The following ATP8A1 variants were observed in gnomAD, a reference collection of about 807,000 sequenced individuals.
ATP8A1 encodes ATPase phospholipid transporting 8A1.
ATP8A1 carries 90 observed loss-of-function variants against 177.7 expected under a neutral mutation model. That is an observed-to-expected ratio of 0.51 (90% CI 0.43 to 0.60). ATP8A1 has a LOEUF of 0.60. Ranked by LOEUF, ATP8A1 falls within the 20% of genes least tolerant of loss-of-function variation. The pLI is 0.00. For missense variants in ATP8A1, 1,072 were observed against 1,392.8 expected (o/e 0.77, Z 3.67); for synonymous variants, 493 against 485.9 (o/e 1.01, Z -0.19).
chr4:42,656,952 C>CGCCGCGCAGAGCGCTCAGCTGCAGCCTGG lies in ATP8A1; in HGVS notation c.-108_-80dup. 7.3e-7 allele frequency: 1 copy of CGCCGCGCAGAGCGCTCAGCTGCAGCCTGG among 1,363,276 alleles called. No homozygotes were observed. 84.4% of individuals were successfully genotyped at this position (1,363,276 alleles called of 1,614,324 possible). On this transcript the variant is annotated 5_prime_UTR_variant, in exon 1 of 37. Transcript: ENST00000381668. Reference sequence around the variant, plus strand: ...GTGGTACACGCGGGAGACCCGGCTGCGCCGCGCAGAGCGCTCAGCTGCAGC... The same window carrying CGCCGCGCAGAGCGCTCAGCTGCAGCCTGG: ...GTGGTACACGCGGGAGACCCGGCTGCGCCGCGCAGAGCGCTCAGCTGCAGCCTGGGCCGCGCAGAGCGCTCAGCTGCAGC...
At chr4:42,639,790 T>C (rs1057456970) in intron 1 of ATP8A1, among the ~76,000 whole-genome samples, 5 of 152,202 alleles carry the variant, frequency 3.3e-5, no homozygotes, top group Non-Finnish European at 7.4e-5. Context: ...TCAGTATGCA[T>C]GGGGGATTGG....
intron 30 of ATP8A1, among the ~76,000 whole-genome samples, chr4:42,448,303 G>T (rs1342809057): frequency 6.6e-6 from 1 of 151,306 alleles, no homozygotes; most frequent in Admixed American, 6.6e-5. Context: ...TTACAAAGAA[G>T]AAGACTATTT....
chr4:42,558,201 A>C (rs1052790897), intron 15 of ATP8A1, among the ~76,000 whole-genome samples: 1 of 152,218 alleles, frequency 6.6e-6, no homozygotes, highest in Non-Finnish European at 1.5e-5. Context: ...AAACAGATAA[A>C]ATTTGCAAGC....
chr4:42,435,405 G>A (rs1305441120), intron 33 of ATP8A1, among the ~76,000 whole-genome samples: 4 of 125,736 alleles, frequency 3.2e-5, no homozygotes, highest in African/African-American at 9.2e-5. Flanking sequence ...CAGCCTGGGG[G>A]ACAAGAGCGA....
intron 20 of ATP8A1, among the ~76,000 whole-genome samples, chr4:42,537,006 C>T (rs1727895377): frequency 6.6e-6 from 1 of 151,918 alleles, no homozygotes; most frequent in Non-Finnish European, 1.5e-5. Flanking sequence ...GTGGTGCACG[C>T]CTGTAATCCC....
chr4:42,633,498 A>G (rs904535884), intron 1 of ATP8A1, among the ~76,000 whole-genome samples: 4 of 152,228 alleles, frequency 2.6e-5, no homozygotes, highest in Admixed American at 2.6e-4. Flanking sequence ...TAGAAATAGC[A>G]GGAAATAAGA....
At chr4:42,608,088 G>A (rs1735986186) in intron 5 of ATP8A1, among the ~76,000 whole-genome samples, 1 of 152,208 alleles carries the variant, frequency 6.6e-6, no homozygotes, top group Non-Finnish European at 1.5e-5. Flanking sequence ...TTATTCAGCA[G>A]GATACAAGGT....
At chr4:42,563,697 C>T (rs796247382) in intron 15 of ATP8A1, among the ~76,000 whole-genome samples, 25 of 152,280 alleles carry the variant, frequency 1.6e-4, no homozygotes, top group African/African-American at 5.1e-4. Context: ...TGTGTCACGG[C>T]CACTCCAGCC....
intron 29 of ATP8A1, among the ~76,000 whole-genome samples, chr4:42,452,647 G>A (rs1248943988): frequency 6.6e-6 from 1 of 152,126 alleles, no homozygotes; most frequent in African/African-American, 2.4e-5. Flanking sequence ...TTAATACCAA[G>A]TTTTGTATAA....
intron 20 of ATP8A1, among the ~76,000 whole-genome samples, chr4:42,533,055 C>A (rs1727439640): frequency 6.6e-6 from 1 of 152,204 alleles, no homozygotes; most frequent in Admixed American, 6.5e-5. Flanking sequence ...TCACACAAAG[C>A]CTGTTTGGTG....
intron 5 of ATP8A1, 89 bp downstream of exon 5, chr4:42,615,944 T>C: frequency 8.1e-7 from 1 of 1,236,878 alleles, no homozygotes; most frequent in Non-Finnish European, 1.2e-6. Flanking sequence ...ATGCACACTA[T>C]TTGCAATTGA....
intron 4 of ATP8A1, among the ~76,000 whole-genome samples, chr4:42,622,877 C>T (rs956469806): frequency 6.6e-6 from 1 of 151,882 alleles, no homozygotes; most frequent in African/African-American, 2.4e-5. Flanking sequence ...GGCATGGTGG[C>T]GCATGCCTGT....
intron 4 of ATP8A1, among the ~76,000 whole-genome samples, chr4:42,623,393 A>G (rs10011453): frequency 0.23 from 34,396 of 152,164 alleles, 4,360 homozygotes; most frequent in Non-Finnish European, 0.29. Context: ...ACATATGCAT[A>G]TGTATGTTCA....
At chr4:42,467,557 G>C (rs1719918608) in intron 25 of ATP8A1, among the ~76,000 whole-genome samples, 1 of 152,174 alleles carries the variant, frequency 6.6e-6, no homozygotes, top group African/African-American at 2.4e-5. Context: ...GCTAGGGATA[G>C]GGGCGCGTGC....
intron 24 of ATP8A1, among the ~76,000 whole-genome samples, chr4:42,495,567 T>C (rs752855309): frequency 6.6e-6 from 1 of 152,048 alleles, no homozygotes; most frequent in African/African-American, 2.4e-5. Context: ...TGCAACCCCC[T>C]GACACATTAT....
intron 24 of ATP8A1, among the ~76,000 whole-genome samples, chr4:42,495,612 TG>T (rs1489990726): frequency 1.7e-4 from 15 of 86,458 alleles, no homozygotes; most frequent in Middle Eastern, 5.7e-3. Flanking sequence ...TTGTATTTAT[TG>T]GTTTTTTTTT....
At chr4:42,436,592 G>C (rs1010589887) in intron 33 of ATP8A1, among the ~76,000 whole-genome samples, 1 of 152,202 alleles carries the variant, frequency 6.6e-6, no homozygotes, top group Non-Finnish European at 1.5e-5. Context: ...TTTACTGTTG[G>C]GGGCATGAGG....
chr4:42,491,104 A>C (rs1406557308), intron 24 of ATP8A1, among the ~76,000 whole-genome samples: 1 of 152,104 alleles, frequency 6.6e-6, no homozygotes, highest in Non-Finnish European at 1.5e-5. Context: ...TAATGTGCTT[A>C]TCTCATAGAG....
chr4:42,499,504 C>T (rs1723605830), intron 24 of ATP8A1, among the ~76,000 whole-genome samples: 1 of 152,068 alleles, frequency 6.6e-6, no homozygotes, highest in Admixed American at 6.5e-5. Flanking sequence ...ATTTTGATAC[C>T]TCTAAAAAAT....
Sources: allele counts gnomAD v4.1 joint callset (sites outside exome capture counted in the v4.1 genomes callset), GRCh38; gene constraint gnomAD v4.1.1; transcripts MANE v1.5; gene names NCBI Gene and HGNC (gene_info 2026-07-23, HGNC 2026-07-21).